The following ATP4A variants were observed in gnomAD, a reference collection of about 807,000 sequenced individuals.
ATP4A encodes ATPase H+/K+ transporting subunit alpha, also known as potassium-transporting ATPase alpha chain 1.
In ATP4A, 73 loss-of-function variants were observed where a neutral mutation model predicts 112.1. That is an observed-to-expected ratio of 0.65 (90% confidence interval 0.54 to 0.79). ATP4A has a LOEUF of 0.79. Among genes scored for constraint, ATP4A ranks in the 30% least tolerant of loss-of-function variants. The pLI, the probability that ATP4A is intolerant of heterozygous loss-of-function variation, is 0.00. For synonymous variants in ATP4A, 588 were observed against 588.9 expected (o/e 1.00, Z 0.02); for missense variants, 1,081 against 1,425.9 (o/e 0.76, Z 3.90).
rs2071679003 is a variant in ATP4A at position 35,562,743 on chromosome 19, C to A, written c.217-105G>T. On this transcript the variant is annotated intron_variant, in intron 3 of 21. Coordinates refer to ENST00000262623, the MANE Select transcript of ATP4A (RefSeq NM_000704.3). ...TTTCCCTTCTCCAGCTTGGTCTGTC[C>A]TGCTCCTTCTCATCTCTTTGTCTCT... The A allele has an allele frequency of 4.4e-6, 5 of 1,136,934 alleles. No homozygotes were observed. In the Admixed American group the frequency reaches 1.3e-4, roughly 30 times the overall value. The allele number at this position is 1,136,934 out of a possible 1,614,324, so 70.4% of individuals were successfully genotyped here. A position where few individuals can be genotyped will look rare whatever the true frequency, so the allele number is the denominator to read the frequency against.
rs538143131 is a variant in ATP4A, at chr19:35,560,547, C to G, written c.603G>C (p.Leu201=). The change falls in exon 6 of 22, where the codon CTG becomes CTC. Residue 201 remains leucine, a synonymous_variant. Coordinates refer to ENST00000262623, the MANE Select transcript of ATP4A (RefSeq NM_000704.3). The surrounding 1 kb of genome is among the most constrained non-coding windows in gnomAD (Gnocchi z 5.1). The stretch of plus-strand genomic sequence containing the variant: ...CTCTGTCCCCACCTTTCATCTCCAC[C>G]AGGTCGCCCACCACCAGTTGGTCAG... ...INADQLVVGD[L]VEMKGGDRVP... is the part of the protein sequence containing the mutation. 66 of 1,613,542 alleles carry G rather than the reference C, an allele frequency of 4.1e-5. No individual in the cohort carries two copies. In the Admixed American group the frequency reaches 7.7e-4, roughly 19 times the overall value.
chr19:35,550,906 G>A lies in ATP4A; in HGVS notation c.3007C>T (p.Pro1003Ser), dbSNP rs559698579. The stretch of plus-strand genomic sequence containing the variant: ...AAGATGAGGATGCCGTAGGGCAGGG[G>A]GACCAGCCACCACTGGAACCTGAAG... ...MPIRFQWWLVPLPYGILIFVY... is the reference protein window; with the variant it reads ...MPIRFQWWLVSLPYGILIFVY... The change falls in exon 21 of 22, where the codon CCC (proline) becomes TCC (serine). Residue 1003 changes from proline to serine, a missense_variant. Pro to Ser is a moderately conservative substitution (Grantham distance 74, BLOSUM62 -1). Coordinates refer to ENST00000262623, the MANE Select transcript of ATP4A (RefSeq NM_000704.3). This position sits in a 1 kb window ranked among gnomAD's most constrained non-coding sequence, Gnocchi z 4.1. The A allele has an allele frequency of 1.9e-6, 3 of 1,614,068 alleles. No individual in the cohort carries two copies. The highest frequency in any genetic ancestry group is 2.5e-6 in the Non-Finnish European group (3 of 1,180,026).
At position 35,550,504 on chromosome 19, in the gene ATP4A, G is replaced by C; in HGVS notation, c.*111C>G. 2 of 1,411,990 alleles carry C rather than the reference G, an allele frequency of 1.4e-6. No individual in the cohort carries two copies. The highest frequency in any genetic ancestry group is 2.3e-5 in the East Asian group (1 of 42,554). The allele number at this position is 1,411,990 out of a possible 1,614,324, so 87.5% of individuals were successfully genotyped here. ...TGGGCTACAGAAGCAGATACTGGTG[G>C]GGCTGGGACTCTTGGTTGCTCAGAT... On this transcript the variant is annotated 3_prime_UTR_variant, in exon 22 of 22. Transcript: ENST00000262623. This position sits in a 1 kb window ranked among gnomAD's most constrained non-coding sequence, Gnocchi z 4.1.
Position 35,560,351 on chromosome 19 carries a change from G to A in ATP4A, c.787+12C>T. On this transcript the variant is annotated intron_variant, in intron 6 of 21. Transcript: ENST00000262623. The surrounding 1 kb of genome is among the most constrained non-coding windows in gnomAD (Gnocchi z 5.1). ...AGCAGTTACTGGGCAGGCAGGCGGG[G>A]GCTTCACAGACCCTCAAGGCACATG... is the stretch of plus-strand genomic sequence containing the variant. The A allele has an allele frequency of 6.2e-7, 1 of 1,612,232 alleles. No individual in the cohort carries two copies.
At position 35,555,666 on chromosome 19, in the gene ATP4A, G is replaced by T; in HGVS notation, c.2006+10C>A. 6.3e-7 allele frequency: 1 copy of T among 1,596,416 alleles called. No homozygotes were observed. Among genetic ancestry groups the T allele is most frequent in the Non-Finnish European group, 8.6e-7 (1 of 1,165,722 alleles). ...TGGGGAGAACCCCGGGGAGGTCTGG[G>T]GGGGCTTACTTGCGATTAACCTGGT... On this transcript the variant is annotated intron_variant, in intron 13 of 21. Coordinates refer to ENST00000262623, the MANE Select transcript of ATP4A (RefSeq NM_000704.3). This position sits in a 1 kb window ranked among gnomAD's most constrained non-coding sequence, Gnocchi z 6.6.
chr19:35,552,026 T>C (rs1354627239), intron 18 of ATP4A, among the ~76,000 whole-genome samples: 3 of 152,104 alleles, frequency 2.0e-5, no homozygotes, highest in Non-Finnish European at 4.4e-5. Context: ...GGGCAGCCAC[T>C]ATGCAGCCCA....
chr19:35,554,783 C>T (rs2071620858), intron 16 of ATP4A, 139 bp downstream of exon 16: 1 of 1,252,290 alleles, frequency 8.0e-7, no homozygotes, highest in Non-Finnish European at 1.1e-6. Context: ...GTGTCCTGCA[C>T]TGGCTGTCAT....
intron 4 of ATP4A, among the ~76,000 whole-genome samples, chr19:35,561,777 G>T (rs1249788439): frequency 2.6e-5 from 4 of 151,082 alleles, no homozygotes; most frequent in Non-Finnish European, 5.9e-5. Flanking sequence ...GAGTCCCAGG[G>T]TCTCCTATTC....
In ATP4A at chr19:35,551,562, AC is replaced by A; in HGVS notation, c.2769del (p.Tyr924ThrfsTer44). 1 of 1,613,264 alleles carries A rather than the reference AC, an allele frequency of 6.2e-7. No homozygotes were observed. ...ACGGTGTAGCAGGTGTACTGCTGGT[AC>A]AGGCGCTGCCCGAATGTCTGCAGGC... ...YGQEWTFGQRLYQQYTCYTVF... is the reference protein window; with the variant it reads ...YGQEWTFGQRXYQQYTCYTVF... On this transcript the variant is annotated frameshift_variant, in exon 19 of 22. Coordinates refer to ENST00000262623, the MANE Select transcript of ATP4A (RefSeq NM_000704.3). LOFTEE classifies it high-confidence loss of function. The surrounding 1 kb of genome is among the most constrained non-coding windows in gnomAD (Gnocchi z 5.2).
rs1180536998 is a variant in ATP4A at position 35,557,692 on chromosome 19, G to A, written c.1656C>T (p.Ala552=). Residue 552 remains alanine (A), a synonymous_variant, in exon 11 of 22, where the codon GCC becomes GCT. Coordinates refer to ENST00000262623, the MANE Select transcript of ATP4A (RefSeq NM_000704.3). The surrounding 1 kb of genome is among the most constrained non-coding windows in gnomAD (Gnocchi z 4.4). Reference sequence around the variant, plus strand: ...CGCCCAGGCCTCCCAGGCTGAGGTAGGCGGTCTGGAAGGCCTCGCGCCACT... The same window carrying A: ...CGCCCAGGCCTCCCAGGCTGAGGTAAGCGGTCTGGAAGGCCTCGCGCCACT... ...DEQWREAFQT[A]YLSLGGLGER... The A allele has an allele frequency of 5.0e-6, 8 of 1,609,820 alleles. No individual in the cohort carries two copies. Among genetic ancestry groups the A allele is most frequent in the Non-Finnish European group, 6.8e-6 (8 of 1,178,880 alleles).
rs1599569837 is a variant in ATP4A at position 35,551,673 on chromosome 19, G to A, written c.2752-93C>T. 7 of 1,487,418 alleles carry A rather than the reference G, an allele frequency of 4.7e-6. No individual in the cohort carries two copies. Among genetic ancestry groups the A allele is most frequent in the East Asian group, 4.9e-5 (2 of 40,604 alleles). The allele number at this position is 1,487,418 out of a possible 1,614,324, so 92.1% of individuals were successfully genotyped here. ...CCACCGGGCATAGGGTCCCAGGGCC[G>A]TGAACCCCTAAATGCTCTCTCTGCC... On this transcript the variant is annotated intron_variant, in intron 18 of 21. Transcript: ENST00000262623. The surrounding 1 kb of genome is among the most constrained non-coding windows in gnomAD (Gnocchi z 5.2).
Position 35,557,628 on chromosome 19 carries a change from G to A in ATP4A, c.1693+27C>T, listed in dbSNP as rs916293412. On this transcript the variant is annotated intron_variant, in intron 11 of 21. Coordinates refer to ENST00000262623, the MANE Select transcript of ATP4A (RefSeq NM_000704.3). This position sits in a 1 kb window ranked among gnomAD's most constrained non-coding sequence, Gnocchi z 4.4. ...GTGCTAGCTCCTCCTCGCACCTGGA[G>A]TCTCCTCCCCTGCCCAGGGGTCTCA... The A allele has an allele frequency of 1.9e-6, 3 of 1,585,562 alleles. No homozygotes were observed. Among genetic ancestry groups the A allele is most frequent in the African/African-American group, 2.7e-5 (2 of 74,440 alleles).
At chr19:35,553,295 CAGACAGGGACACGGGAAGAG>C (rs2071612174) in intron 17 of ATP4A, 113 bp from the exon 18 acceptor site, 3 of 1,234,356 alleles carry the variant, frequency 2.4e-6, no homozygotes, top group South Asian at 1.5e-5. Flanking sequence ...CAAGGACACA[CAGACAGGGACACGGGAAGAG>C]AGACAGGGAC....
Position 35,550,632 on chromosome 19 carries a change from G to A in ATP4A, c.3091C>T (p.Gln1031Ter). The change falls in exon 22 of 22, where the codon CAG becomes TAG. Residue 1031 changes from glutamine to a stop codon, truncating the protein, a stop_gained. Coordinates refer to ENST00000262623, the MANE Select transcript of ATP4A (RefSeq NM_000704.3). LOFTEE classifies it high-confidence loss of function. This position sits in a 1 kb window ranked among gnomAD's most constrained non-coding sequence, Gnocchi z 4.1. ...TCGTCCCTCTAATAGTAGAGTTCCT[G>A]GTCCCACCAGCCTGGGAGAGAGAGG... ...VRCCPGSWWD[Q>*]ELYY The A allele has an allele frequency of 1.1e-5, 18 of 1,613,854 alleles. No individual in the cohort carries two copies. The highest frequency in any genetic ancestry group is 1.5e-5 in the Non-Finnish European group (18 of 1,179,850).
At chr19:35,561,106 A>G (rs2071668401) in intron 4 of ATP4A, among the ~76,000 whole-genome samples, 174 bp from the exon 5 acceptor site, 1 of 151,600 alleles carries the variant, frequency 6.6e-6, no homozygotes, top group Non-Finnish European at 1.5e-5. Flanking sequence ...CATGTCCCTC[A>G]TGTCCCACAC....
chr19:35,554,124 T>C (rs2071617231), intron 16 of ATP4A, among the ~76,000 whole-genome samples: 1 of 152,190 alleles, frequency 6.6e-6, no homozygotes, highest in Non-Finnish European at 1.5e-5. Flanking sequence ...CCAGTGTAAT[T>C]CTCTGTGACT....
chr19:35,555,716 C>T lies in ATP4A; in HGVS notation c.1966G>A (p.Ala656Thr), dbSNP rs2071627856. ...TCTACGGGCACACGGAGGCGGGCAG[C>T]GATGTCCTCCACTGTCTCGCTGCCT... ...SEGSETVEDI[A>T]ARLRVPVDQV... Residue 656 changes from alanine (A) to threonine (T), a missense_variant, in exon 13 of 22, where the codon GCT (alanine) becomes ACT (threonine). Coordinates refer to ENST00000262623, the MANE Select transcript of ATP4A (RefSeq NM_000704.3). The surrounding 1 kb of genome is among the most constrained non-coding windows in gnomAD (Gnocchi z 6.6). The T allele has an allele frequency of 2.5e-6, 4 of 1,611,266 alleles. No homozygotes were observed. The highest frequency in any genetic ancestry group is 2.5e-6 in the Non-Finnish European group (3 of 1,177,626).
intron 17 of ATP4A, 34 bp downstream of exon 17, chr19:35,553,672 C>T (rs2071614498): frequency 1.2e-6 from 2 of 1,609,946 alleles, no homozygotes; most frequent in African/African-American, 2.7e-5. Context: ...GCAGAGCCCC[C>T]CACCTCCAGG....
rs980625905 is a variant in ATP4A, at chr19:35,558,641, C to T, written c.1301G>A (p.Arg434Gln). 7.5e-6 allele frequency: 12 copies of T among 1,593,040 alleles called. No homozygotes were observed. Among genetic ancestry groups the T allele is most frequent in the South Asian group, 2.3e-5 (2 of 87,894 alleles). The change falls in exon 9 of 22, where the codon CGG (arginine) becomes CAG (glutamine). Residue 434 changes from arginine to glutamine, a missense_variant. By Grantham distance (43) the Arg-to-Gln change is conservative. This residue lies in a region of ATP4A where 850 missense variants were observed against 1,068.2 expected (regional missense o/e 0.80). Transcript: ENST00000262623. The surrounding 1 kb of genome is among the most constrained non-coding windows in gnomAD (Gnocchi z 5.1). ...GGCGCGGTTGCACAGGGTGAGCACC[C>T]GGCACAGCGCCCGCCACGTCTCCGA... ...QSSETWRALC[R>Q]VLTLCNRAAF...
Sources: allele counts gnomAD v4.1 joint callset (sites outside exome capture counted in the v4.1 genomes callset), GRCh38; gene constraint gnomAD v4.1.1; regional missense constraint gnomAD v4.1.1; non-coding constraint Gnocchi (gnomAD v3.1); transcripts MANE v1.5; gene names NCBI Gene and HGNC (gene_info 2026-07-23, HGNC 2026-07-21).